The following PCSK5 variants were observed in gnomAD, a reference collection of about 807,000 sequenced individuals.
The protein encoded by PCSK5 is proprotein convertase subtilisin/kexin type 5, also known as prohormone convertase 5.
Under a neutral mutation model 233.2 loss-of-function variants are expected in PCSK5, and 129 were observed. That is an observed-to-expected ratio of 0.55 (90% CI 0.48 to 0.64). PCSK5 has a LOEUF of 0.64. Among genes scored for constraint, PCSK5 ranks in the 30% least tolerant of loss-of-function variants. PCSK5 has a pLI of 0.00. For synonymous variants in PCSK5, 825 were observed against 879.2 expected, an observed-to-expected ratio of 0.94 and a Z score of 1.09; for missense variants, 2,076 against 2,430.1, an observed-to-expected ratio of 0.85 and a Z score of 3.06.
intron 3 of PCSK5, among the ~76,000 whole-genome samples, chr9:75,986,778 G>T (rs1403375090): frequency 6.6e-6 from 1 of 152,194 alleles, no homozygotes; most frequent in Non-Finnish European, 1.5e-5. Context: ...CGATTTGGTA[G>T]TTCATGGTTC....
At chr9:76,083,779 C>A (rs1830950283) in intron 7 of PCSK5, among the ~76,000 whole-genome samples, 1 of 152,194 alleles carries the variant, frequency 6.6e-6, no homozygotes, top group South Asian at 2.1e-4. Flanking sequence ...CATATTTCCC[C>A]ACCCTTAAAT....
intron 21 of PCSK5, among the ~76,000 whole-genome samples, chr9:76,231,804 T>C (rs1261668603): frequency 7.2e-5 from 11 of 152,182 alleles, no homozygotes; most frequent in Admixed American, 6.5e-5. Context: ...TGTTTTGACA[T>C]GGACAGCCAG....
At chr9:75,941,666 A>C (rs62555918) in intron 2 of PCSK5, among the ~76,000 whole-genome samples, 9,494 of 152,242 alleles carry the variant, frequency 0.062, 438 homozygotes, top group Non-Finnish European at 0.088. Context: ...GAGTCTTTGC[A>C]AATCCCACTA....
chr9:75,965,261 ATGTG>A (rs71372035), intron 2 of PCSK5, among the ~76,000 whole-genome samples: 17,558 of 149,714 alleles, frequency 0.12, 1,107 homozygotes, highest in African/African-American at 0.16. Flanking sequence ...ATGTGTGTAT[ATGTG>A]TGTGTGTGTG....
intron 3 of PCSK5, among the ~76,000 whole-genome samples, chr9:76,006,819 G>A (rs1827498068): frequency 6.6e-6 from 1 of 152,162 alleles, no homozygotes; most frequent in African/African-American, 2.4e-5. Flanking sequence ...CTAGAGGCTT[G>A]ATATTTGAAG....
intron 9 of PCSK5, among the ~76,000 whole-genome samples, chr9:76,107,846 A>G (rs1445480015): frequency 6.6e-6 from 1 of 152,246 alleles, no homozygotes; most frequent in East Asian, 1.9e-4. Context: ...ATTCTATGTC[A>G]AAAAGATTAC....
At chr9:76,117,597 C>G (rs540238878) in intron 9 of PCSK5, among the ~76,000 whole-genome samples, 214 of 152,170 alleles carry the variant, frequency 1.4e-3, no homozygotes, top group African/African-American at 4.9e-3. Context: ...GCAATCACAA[C>G]CAAGCCTTAA....
intron 29 of PCSK5, among the ~76,000 whole-genome samples, chr9:76,309,714 C>A (rs533957923): frequency 5.3e-5 from 8 of 151,242 alleles, no homozygotes; most frequent in Admixed American, 1.3e-4. Flanking sequence ...TTTCCATGAT[C>A]ATTATAAAGT....
At chr9:76,299,051 G>T (rs539054796) in intron 27 of PCSK5, among the ~76,000 whole-genome samples, 66 of 152,290 alleles carry the variant, frequency 4.3e-4, no homozygotes, top group Non-Finnish European at 7.3e-4. Context: ...TAAAAGTCCA[G>T]CTAGAGTTCC....
At chr9:76,193,483 T>G (rs1824526074) in intron 20 of PCSK5, 2 of 674,274 alleles carry the variant, frequency 3.0e-6, no homozygotes, top group East Asian at 5.8e-5. Context: ...TCTTTTTCTT[T>G]CTCTCTCTCT....
chr9:76,148,831 C>T (rs1428639497), intron 10 of PCSK5, among the ~76,000 whole-genome samples: 3 of 152,200 alleles, frequency 2.0e-5, no homozygotes. Context: ...TATAACAAAT[C>T]CCAGATTAAT....
Position 76,163,859 on chromosome 9 carries a change from C to CTTTTT in PCSK5, c.1619+4704_1619+4708dup, listed in dbSNP as rs67386134. On this transcript the variant is annotated intron_variant, in intron 12 of 37. Transcript: ENST00000674117. ...ATCTGTTAGAATTATAAAAAGCTGT[C>CTTTTT]TTTTTTTTTTTTTTTTTTTTCCTGA... Among the ~76,000 whole-genome samples, 124 of 97,810 alleles carry CTTTTT rather than the reference C, an allele frequency of 1.3e-3. 1 individual carries two copies. Among genetic ancestry groups the CTTTTT allele is most frequent in the East Asian group, 3.4e-3 (11 of 3,220 alleles). The allele number at this position is 97,810 out of a possible 152,430, so 64.2% of individuals were successfully genotyped here. A position where few individuals can be genotyped will look rare whatever the true frequency, so the allele number is the denominator to read the frequency against.
At chr9:76,311,386 T>TTAA (rs1828861585) in intron 30 of PCSK5, among the ~76,000 whole-genome samples, 1 of 152,114 alleles carries the variant, frequency 6.6e-6, no homozygotes, top group African/African-American at 2.4e-5. Context: ...CCACCTTATA[T>TTAA]TAATGATCAA....
chr9:76,309,288 A>C (rs564704646), intron 29 of PCSK5, among the ~76,000 whole-genome samples: 1 of 152,240 alleles, frequency 6.6e-6, no homozygotes, highest in East Asian at 1.9e-4. Flanking sequence ...GAGCAGCAAC[A>C]TAACAGCTTG....
At chr9:76,106,259 T>G (rs1831974501) in intron 8 of PCSK5, among the ~76,000 whole-genome samples, 2 of 152,330 alleles carry the variant, frequency 1.3e-5, no homozygotes, top group East Asian at 1.9e-4. Context: ...TCTCACAGAC[T>G]TCTATACTCC....
At chr9:76,084,045 T>G (rs551120614) in intron 7 of PCSK5, among the ~76,000 whole-genome samples, 1 of 152,346 alleles carries the variant, frequency 6.6e-6, no homozygotes, top group East Asian at 1.9e-4. Flanking sequence ...TTGGTTCCAC[T>G]TAATGAAAAT....
At chr9:76,048,305 T>A (rs1829495982) in intron 5 of PCSK5, among the ~76,000 whole-genome samples, 1 of 152,218 alleles carries the variant, frequency 6.6e-6, no homozygotes, top group African/African-American at 2.4e-5. Flanking sequence ...GTTTCATTAG[T>A]AATAATATCA....
intron 34 of PCSK5, among the ~76,000 whole-genome samples, chr9:76,335,978 C>G (rs1428483480): frequency 2.0e-5 from 3 of 152,174 alleles, no homozygotes; most frequent in Non-Finnish European, 2.9e-5. Flanking sequence ...AAAATTCTAT[C>G]TTCTGACTCT....
At chr9:76,062,976 G>C (rs1375952298) in intron 5 of PCSK5, among the ~76,000 whole-genome samples, 2 of 152,046 alleles carry the variant, frequency 1.3e-5, no homozygotes, top group African/African-American at 4.8e-5. Context: ...CCCAGCCTCT[G>C]TTAACCATCA....
Sources: gnomAD v4.1 joint callset for allele counts (sites outside exome capture counted in the v4.1 genomes callset) on GRCh38, gnomAD v4.1.1 for gene constraint, MANE v1.5 for transcripts, NCBI Gene and HGNC (gene_info 2026-07-23, HGNC 2026-07-21) for gene names.